Variants in NCOA1 observed in about 807,000 individuals in gnomAD.
NCOA1 encodes the protein nuclear receptor coactivator 1, also known as Hin-2 protein.
In NCOA1, 35 loss-of-function variants were observed where a neutral mutation model predicts 150.9. The ratio of observed to expected loss-of-function variants is 0.23; its 90% CI spans 0.18 to 0.31. NCOA1 has a LOEUF of 0.31. Ranked by LOEUF, NCOA1 falls within the 10% of genes least tolerant of loss-of-function variation. The pLI is 1.00. For missense variants in NCOA1, 1,491 were observed against 1,749.3 expected (o/e 0.85, Z 2.63); for synonymous variants, 590 against 630.0 (o/e 0.94, Z 0.95).
rs911192536 is a variant in NCOA1, at chr2:24,757,918, A to G, written c.3882-55A>G. The G allele has an allele frequency of 1.7e-5, 27 of 1,567,922 alleles. No homozygotes were observed. The East Asian group carries it at 5.9e-4, about 34-fold the overall frequency. On this transcript the variant is annotated intron_variant, in intron 20 of 22. Transcript: ENST00000348332. ...TTATTTGGAAACAGAATCTAGTCATATATCCCCTTGTTCATGATCAGTGGA... is the reference window on the plus strand; with the variant it reads ...TTATTTGGAAACAGAATCTAGTCATGTATCCCCTTGTTCATGATCAGTGGA...
intron 1 of NCOA1, among the ~76,000 whole-genome samples, chr2:24,558,009 C>T (rs1666142298): frequency 6.6e-6 from 1 of 150,700 alleles, no homozygotes; most frequent in African/African-American, 2.4e-5. Flanking sequence ...AAAATGAACC[C>T]TTGGGTTCAT....
chr2:24,655,904 T>A (rs527422787), intron 4 of NCOA1, among the ~76,000 whole-genome samples: 1 of 151,510 alleles, frequency 6.6e-6, no homozygotes, highest in South Asian at 2.1e-4. Flanking sequence ...CTGGCTAACA[T>A]GGTGAAACCC....
chr2:24,525,495 T>C (rs749560239), intron 1 of NCOA1, among the ~76,000 whole-genome samples: 28 of 152,128 alleles, frequency 1.8e-4, no homozygotes, highest in Non-Finnish European at 2.8e-4. Flanking sequence ...CTTGATTATC[T>C]TTAGTAATGT....
At chr2:24,694,826 A>G (rs1055798472) in intron 10 of NCOA1, among the ~76,000 whole-genome samples, 1 of 152,046 alleles carries the variant, frequency 6.6e-6, no homozygotes, top group South Asian at 2.1e-4. Flanking sequence ...ATTTTTTTAA[A>G]ATTTTTTTTT....
At chr2:24,723,216 T>A (rs1674445872) in intron 14 of NCOA1, among the ~76,000 whole-genome samples, 1 of 152,176 alleles carries the variant, frequency 6.6e-6, no homozygotes, top group South Asian at 2.1e-4. Context: ...CTATACACAT[T>A]AGCTGTTCTG....
In NCOA1 at chr2:24,724,957, A is replaced by G. The variant is rs1244448218; in HGVS notation, c.2600-1632A>G. Reference sequence around the variant, plus strand: ...GTTTTTCAGAATCCTACAGAATTTGATTTCTATATCATTTGTCATGATAGA... The same window carrying G: ...GTTTTTCAGAATCCTACAGAATTTGGTTTCTATATCATTTGTCATGATAGA... On this transcript the variant is annotated intron_variant, in intron 14 of 22. Coordinates refer to ENST00000348332, the MANE Select transcript of NCOA1 (RefSeq NM_003743.5). Among the ~76,000 whole-genome samples, 3 of 151,996 alleles carry G rather than the reference A, an allele frequency of 2.0e-5. No individual in the cohort carries two copies. The East Asian group carries it at 5.8e-4, about 29-fold the overall frequency.
intron 1 of NCOA1, among the ~76,000 whole-genome samples, chr2:24,519,780 T>G (rs951193902): frequency 5.3e-5 from 8 of 152,152 alleles, no homozygotes; most frequent in African/African-American, 1.9e-4. Context: ...TGAGCTATGA[T>G]GCCCCCAAAA....
At chr2:24,706,434 T>C (rs1489627699) in intron 12 of NCOA1, 134 bp from the exon 13 acceptor site, 2 of 966,044 alleles carry the variant, frequency 2.1e-6, no homozygotes, top group Non-Finnish European at 2.8e-6. Flanking sequence ...TAATTTAAGA[T>C]GGTACAGAAG....
intron 1 of NCOA1, among the ~76,000 whole-genome samples, chr2:24,541,999 A>C (rs902576589): frequency 6.6e-6 from 1 of 152,224 alleles, no homozygotes; most frequent in African/African-American, 2.4e-5. Flanking sequence ...ATATTGAACT[A>C]AAATTAATAA....
chr2:24,704,997 G>A (rs1376431436), intron 11 of NCOA1, 89 bp from the exon 12 acceptor site: 1 of 1,377,016 alleles, frequency 7.3e-7, no homozygotes, highest in Admixed American at 2.1e-5. Context: ...CCTTTAAAAT[G>A]AGGTTCTAAG....
chr2:24,630,203 C>G (rs1462331769), intron 3 of NCOA1, among the ~76,000 whole-genome samples: 2 of 152,120 alleles, frequency 1.3e-5, no homozygotes, highest in African/African-American at 4.8e-5. Flanking sequence ...TGTTATCCCA[C>G]TTTTTGTAGA....
intron 3 of NCOA1, among the ~76,000 whole-genome samples, chr2:24,617,081 C>A (rs745536149): frequency 1.1e-4 from 16 of 152,064 alleles, no homozygotes; most frequent in Non-Finnish European, 2.1e-4. Flanking sequence ...TACAAACTTA[C>A]CATCAAATAC....
chr2:24,750,603 C>A (rs1163626536), intron 19 of NCOA1, among the ~76,000 whole-genome samples: 1 of 152,176 alleles, frequency 6.6e-6, no homozygotes, highest in Non-Finnish European at 1.5e-5. Context: ...GCTACATTTA[C>A]ATGAAATTTC....
chr2:24,604,931 G>A (rs936202428), intron 3 of NCOA1, among the ~76,000 whole-genome samples: 4 of 152,134 alleles, frequency 2.6e-5, no homozygotes, highest in African/African-American at 9.7e-5. Flanking sequence ...AGAGACATGT[G>A]ACTCTTTCAC....
chr2:24,601,359 T>C (rs1215559078), intron 3 of NCOA1, among the ~76,000 whole-genome samples: 3 of 152,020 alleles, frequency 2.0e-5, no homozygotes, highest in Non-Finnish European at 4.4e-5. Flanking sequence ...ACTACAAATA[T>C]GTACCACCAT....
At chr2:24,631,940 A>G (rs1572516737) in intron 3 of NCOA1, among the ~76,000 whole-genome samples, 1 of 152,332 alleles carries the variant, frequency 6.6e-6, no homozygotes, top group East Asian at 1.9e-4. Flanking sequence ...AATTAAGGTG[A>G]TAATATATAC....
chr2:24,505,209 G>A (rs1000974177), intron 1 of NCOA1, among the ~76,000 whole-genome samples: 2 of 148,608 alleles, frequency 1.3e-5, no homozygotes, highest in Admixed American at 6.7e-5. Context: ...TTTTTGAGAC[G>A]GAGTTTTGCC....
chr2:24,625,874 GCA>G, intron 3 of NCOA1, among the ~76,000 whole-genome samples: 1 of 152,028 alleles, frequency 6.6e-6, no homozygotes, highest in Admixed American at 6.5e-5. Flanking sequence ...TGTTCAAACA[GCA>G]CACTCTGAGA....
At chr2:24,610,867 G>C (rs1237427399) in intron 3 of NCOA1, among the ~76,000 whole-genome samples, 1 of 150,354 alleles carries the variant, frequency 6.7e-6, no homozygotes, top group East Asian at 1.9e-4. Context: ...CTCCAGGGAA[G>C]ATTTTTTATT....
Sources: allele counts gnomAD v4.1 joint callset (sites outside exome capture counted in the v4.1 genomes callset), GRCh38; gene constraint gnomAD v4.1.1; transcripts MANE v1.5; gene names NCBI Gene and HGNC (gene_info 2026-07-23, HGNC 2026-07-21).